The following CCDC171 variants were observed in gnomAD, a reference collection of about 807,000 sequenced individuals.
The protein encoded by CCDC171 is coiled-coil domain-containing protein 171.
A neutral mutation model predicts 168.2 loss-of-function variants in CCDC171; 177 were observed. The ratio of observed to expected loss-of-function variants is 1.05; its 90% CI spans 0.93 to 1.19. The LOEUF is 1.19. CCDC171 is among the 50% of genes most tolerant of loss of function. CCDC171 has a pLI of 0.00. For synonymous variants in CCDC171, 687 were observed against 540.8 expected (o/e 1.27, Z -3.75); for missense variants, 1,991 against 1,539.0 (o/e 1.29, Z -4.91).
intron 21 of CCDC171, among the ~76,000 whole-genome samples, chr9:15,812,964 C>G (rs2059419667): frequency 6.6e-6 from 1 of 152,158 alleles, no homozygotes; most frequent in Non-Finnish European, 1.5e-5. Context: ...TCAGATGATC[C>G]TAGATTTTGA....
chr9:15,626,366 G>A (rs1349112721), intron 7 of CCDC171, among the ~76,000 whole-genome samples: 1 of 152,188 alleles, frequency 6.6e-6, no homozygotes, highest in South Asian at 2.1e-4. Flanking sequence ...TAGGAGTGGT[G>A]AGAGAGGGCA....
chr9:15,800,510 T>G (rs1027755489), intron 21 of CCDC171, among the ~76,000 whole-genome samples: 1 of 152,174 alleles, frequency 6.6e-6, no homozygotes, highest in Non-Finnish European at 1.5e-5. Flanking sequence ...TTCTAGTTAT[T>G]AATCCCTTGT....
chr9:15,789,119 G>A (rs2058116732), intron 21 of CCDC171, among the ~76,000 whole-genome samples: 1 of 152,088 alleles, frequency 6.6e-6, no homozygotes, highest in Non-Finnish European at 1.5e-5. Flanking sequence ...TACAGGTTGA[G>A]CATCCCTAAT....
the CCDC171 span, among the ~76,000 whole-genome samples, chr9:16,069,923 G>T: frequency 6.6e-6 from 1 of 152,132 alleles, no homozygotes; most frequent in Middle Eastern, 3.2e-3. Context: ...GTGATTGCCA[G>T]GGCTCCCCCT....
At chr9:15,669,123 A>G (rs969519626) in intron 9 of CCDC171, among the ~76,000 whole-genome samples, 12 of 152,144 alleles carry the variant, frequency 7.9e-5, no homozygotes, top group African/African-American at 2.9e-4. Flanking sequence ...CAGGAGAAAA[A>G]AAGCTGTGTG....
At chr9:15,600,228 TC>T (rs1385092547) in intron 6 of CCDC171, among the ~76,000 whole-genome samples, 1 of 152,208 alleles carries the variant, frequency 6.6e-6, no homozygotes, top group Non-Finnish European at 1.5e-5. Flanking sequence ...TTTTAGAGTT[TC>T]CATTTTTCTG....
the CCDC171 span, among the ~76,000 whole-genome samples, chr9:16,089,449 G>C: frequency 6.6e-6 from 1 of 151,688 alleles, no homozygotes; most frequent in African/African-American, 2.4e-5. Flanking sequence ...TGAAGTCATT[G>C]CCCATGCCTA....
intron 11 of CCDC171, among the ~76,000 whole-genome samples, chr9:15,721,445 A>G (rs547082806): frequency 2.0e-5 from 3 of 151,690 alleles, no homozygotes; most frequent in Non-Finnish European, 4.4e-5. Flanking sequence ...GAGACATGAA[A>G]ACAAAAACAA....
intron 16 of CCDC171, among the ~76,000 whole-genome samples, chr9:15,730,663 AATT>A (rs1397438845): frequency 6.6e-6 from 1 of 151,728 alleles, no homozygotes; most frequent in Non-Finnish European, 1.5e-5. Flanking sequence ...ACATAAATAA[AATT>A]ATTATTATTA....
At chr9:15,840,361 G>T (rs936744110) in intron 21 of CCDC171, among the ~76,000 whole-genome samples, 4 of 151,920 alleles carry the variant, frequency 2.6e-5, no homozygotes, top group African/African-American at 9.7e-5. Context: ...TTCATAGCTC[G>T]ACTCGTTTAA....
intron 16 of CCDC171, among the ~76,000 whole-genome samples, chr9:15,738,852 T>G (rs924376633): frequency 6.6e-6 from 1 of 152,190 alleles, no homozygotes; most frequent in African/African-American, 2.4e-5. Flanking sequence ...GCCTTTACAC[T>G]CTAAAGCTTT....
Position 15,692,522 on chromosome 9 carries a change from C to T in CCDC171, c.1216-2713C>T, listed in dbSNP as rs371175412. On this transcript the variant is annotated intron_variant, in intron 10 of 25. Coordinates refer to ENST00000380701, the MANE Select transcript of CCDC171 (RefSeq NM_173550.4). ...AGATTCTCTTCTCAGAGACAACCAT[C>T]ATTACTACTTTTTTTTTTTTTTTGA... 2.0e-5 allele frequency among the ~76,000 whole-genome samples: 3 copies of T among 150,992 alleles called. No individual in the cohort carries two copies. The East Asian group carries it at 5.9e-4, about 30-fold the overall frequency.
At position 15,874,580 on chromosome 9, in the gene CCDC171, T is replaced by G. The variant is rs1475878480; in HGVS notation, c.3517T>G (p.Phe1173Val). 6.2e-7 allele frequency: 1 copy of G among 1,608,300 alleles called. No individual in the cohort carries two copies. Among genetic ancestry groups the G allele is most frequent in the South Asian group, 1.1e-5 (1 of 89,952 alleles). ...ATGGTCTGCGGCAAGTAGGAATGAC[T>G]TCACCCTACAGCTACCCAAACTGCA... Reference protein sequence around the residue: ...LSWSAASRNDFTLQLPKLHLE... With the variant: ...LSWSAASRNDVTLQLPKLHLE... The change falls in exon 24 of 26, where the codon TTC becomes GTC. Residue 1173 changes from phenylalanine (F) to valine (V), a missense_variant. Phe to Val is a conservative substitution (Grantham distance 50). Transcript: ENST00000380701.
chr9:15,675,369 T>G (rs2049465100), intron 9 of CCDC171, among the ~76,000 whole-genome samples: 1 of 152,116 alleles, frequency 6.6e-6, no homozygotes. Flanking sequence ...TTAGCCCATT[T>G]ACATTTAAGG....
In CCDC171 at chr9:15,742,474, A is replaced by G. The variant is rs114610980; in HGVS notation, c.2050-1799A>G. The stretch of plus-strand genomic sequence containing the variant: ...AGTCTTCCTGCTTTAATATAGCTAT[A>G]AGCCAAGTGTCAAGTTTTATTTTTC... On this transcript the variant is annotated intron_variant, in intron 16 of 25. Coordinates refer to ENST00000380701, the MANE Select transcript of CCDC171 (RefSeq NM_173550.4). 5.3e-3 allele frequency among the ~76,000 whole-genome samples: 814 copies of G among 152,312 alleles called. 5 individuals are homozygous for G. Among genetic ancestry groups the G allele is most frequent in the African/African-American group, 0.019 (796 of 41,568 alleles).
Position 15,745,567 on chromosome 9 carries a change from T to C in CCDC171, c.2607T>C (p.Ser869=). Residue 869 remains serine, a synonymous_variant, in exon 18 of 26, where the codon AGT becomes AGC. Transcript: ENST00000380701. The part of the protein sequence containing the change: ...RCLQALSWLT[S]SDLLAAIISS... ...TACAAGCGCTCAGTTGGCTCACCAG[T>C]TCTGACCTTCTTGCTGCAATAATCA... 8 of 1,591,826 alleles carry C rather than the reference T, an allele frequency of 5.0e-6. No homozygotes were observed. In the South Asian group the frequency reaches 9.1e-5, roughly 18 times the overall value.
intron 18 of CCDC171, among the ~76,000 whole-genome samples, chr9:15,755,833 A>G (rs2056074618): frequency 6.6e-6 from 1 of 152,182 alleles, no homozygotes; most frequent in Non-Finnish European, 1.5e-5. Flanking sequence ...TAATGGATAT[A>G]GAGTTTCTTT....
At chr9:15,829,235 C>G (rs1032315215) in intron 21 of CCDC171, among the ~76,000 whole-genome samples, 4 of 152,096 alleles carry the variant, frequency 2.6e-5, no homozygotes, top group African/African-American at 9.7e-5. Context: ...TCTATTGGCT[C>G]TTTTATTACA....
At chr9:15,600,601 GCA>G (rs2042765853) in intron 6 of CCDC171, among the ~76,000 whole-genome samples, 1 of 152,218 alleles carries the variant, frequency 6.6e-6, no homozygotes, top group South Asian at 2.1e-4. Flanking sequence ...ACTTGAGGAT[GCA>G]GTCTGTCTGT....
Sources: gnomAD v4.1 joint callset for allele counts (sites outside exome capture counted in the v4.1 genomes callset) on GRCh38, gnomAD v4.1.1 for gene constraint, MANE v1.5 for transcripts, NCBI Gene and HGNC (gene_info 2026-07-23, HGNC 2026-07-21) for gene names.